The following DMD variants were observed in gnomAD, a reference collection of about 807,000 sequenced individuals.
DMD encodes dystrophin, also known as mutant dystrophin.
In DMD, 63 loss-of-function variants were observed where a neutral mutation model predicts 330.1. That is an observed-to-expected ratio of 0.19 (90% CI 0.16 to 0.24). The LOEUF (loss-of-function observed/expected upper bound fraction) is 0.24, where lower values mean the gene tolerates loss of function less well. Among genes scored for constraint, DMD ranks in the 10% least tolerant of loss-of-function variants. The pLI is 1.00. For missense variants in DMD, 3,344 were observed against 2,684.1 expected, an observed-to-expected ratio of 1.25 and a Z score of -5.43; for synonymous variants, 1,223 against 959.8, an observed-to-expected ratio of 1.27 and a Z score of -5.07.
intron 1 of DMD, among the ~76,000 whole-genome samples, chrX:33,235,215 T>C (rs2052454977): frequency 8.9e-6 from 1 of 111,829 alleles, no homozygotes; most frequent in Non-Finnish European, 1.9e-5. Flanking sequence ...ACAACGTTTT[T>C]TGTGAGCACG....
chrX:31,611,578 T>C (rs934735027), intron 55 of DMD, among the ~76,000 whole-genome samples: 6 of 111,883 alleles, frequency 5.4e-5, no homozygotes, highest in African/African-American at 9.7e-5. Context: ...AAATTGATCA[T>C]TTTAATCATT....
intron 11 of DMD, among the ~76,000 whole-genome samples, chrX:32,617,963 A>G (rs1271613448): frequency 8.9e-6 from 1 of 111,883 alleles, no homozygotes; most frequent in Non-Finnish European, 1.9e-5. Flanking sequence ...CACAGATATG[A>G]AAAAATGCTC....
intron 25 of DMD, among the ~76,000 whole-genome samples, chrX:32,455,467 G>C (rs2098353450): frequency 9.0e-6 from 1 of 111,276 alleles, no homozygotes; most frequent in South Asian, 3.6e-4. Flanking sequence ...ATTTTGGGCA[G>C]GGATGTGGGA....
intron 41 of DMD, among the ~76,000 whole-genome samples, chrX:32,323,304 C>T (rs1218932760): frequency 3.6e-5 from 4 of 110,764 alleles, no homozygotes; most frequent in Non-Finnish European, 5.7e-5. Context: ...ATGCTGAAAC[C>T]AGTGCCCCAC....
chrX:31,222,709 G>C (rs1290083744), intron 64 of DMD, among the ~76,000 whole-genome samples: 1 of 110,872 alleles, frequency 9.0e-6, no homozygotes, highest in Non-Finnish European at 1.9e-5. Context: ...AGTACATTTT[G>C]TAAAAAGAAA....
intron 44 of DMD, among the ~76,000 whole-genome samples, chrX:32,033,274 TA>T (rs1201539651): frequency 1.8e-5 from 2 of 111,234 alleles, no homozygotes; most frequent in South Asian, 3.8e-4. Context: ...ACATTTCAGT[TA>T]AGTAGGATGA....
At chrX:31,857,243 G>A (rs2093627228) in intron 48 of DMD, among the ~76,000 whole-genome samples, 1 of 108,049 alleles carries the variant, frequency 9.3e-6, no homozygotes, top group Non-Finnish European at 1.9e-5. Flanking sequence ...GCCGGGTGTG[G>A]TGGTGGGCAC....
chrX:32,581,225 T>A lies in DMD; in HGVS notation c.1603-7379A>T, dbSNP rs775492729. On this transcript the variant is annotated intron_variant, in intron 13 of 78. Coordinates refer to ENST00000357033, the MANE Select transcript of DMD (RefSeq NM_004006.3). Reference sequence around the variant, plus strand: ...ATCACAACTTTTCATCCACAAGAAATCACAAATTCTAACGTACATACCTAA... The same window carrying A: ...ATCACAACTTTTCATCCACAAGAAAACACAAATTCTAACGTACATACCTAA... Among the ~76,000 whole-genome samples the A allele has an allele frequency of 7.2e-3, 809 of 112,226 alleles. 9 individuals are homozygous for A. Among genetic ancestry groups the A allele is most frequent in the African/African-American group, 0.024 (756 of 30,914 alleles).
At chrX:32,245,733 G>A (rs2097233793) in intron 43 of DMD, among the ~76,000 whole-genome samples, 1 of 85,049 alleles carries the variant, frequency 1.2e-5, no homozygotes, top group Non-Finnish European at 2.2e-5. Context: ...AATTGTGAAT[G>A]GGAGTTCACT....
chrX:32,211,982 G>T (rs1288300604), intron 44 of DMD, among the ~76,000 whole-genome samples: 1 of 111,915 alleles, frequency 8.9e-6, no homozygotes, highest in Non-Finnish European at 1.9e-5. Context: ...AGCTTTAAAT[G>T]TTAGGGCATT....
intron 78 of DMD, among the ~76,000 whole-genome samples, chrX:31,124,841 A>AAAAT (rs1214477517): frequency 8.9e-6 from 1 of 111,945 alleles, no homozygotes; most frequent in Non-Finnish European, 1.9e-5. Context: ...CTATTTTTTA[A>AAAAT]AAATACAATT....
intron 49 of DMD, among the ~76,000 whole-genome samples, chrX:31,831,803 C>A (rs927939243): frequency 8.9e-6 from 1 of 111,826 alleles, no homozygotes; most frequent in Non-Finnish European, 1.9e-5. Context: ...GGGGTTTCAC[C>A]ATGTTAGCCA....
intron 2 of DMD, among the ~76,000 whole-genome samples, chrX:32,969,027 C>CCAAAAAAAAAAAAAAAAAAAA (rs2092280100): frequency 1.5e-4 from 3 of 19,813 alleles, no homozygotes; most frequent in African/African-American, 4.7e-4. Context: ...GATTCTGTCT[C>CCAAAAAAAAAAAAAAAAAAAA]AAAAAAAAAA....
At chrX:31,408,711 T>TTTTTG (rs201114840) in intron 60 of DMD, among the ~76,000 whole-genome samples, 35 of 109,314 alleles carry the variant, frequency 3.2e-4, no homozygotes, top group Admixed American at 1.1e-3. Flanking sequence ...TTTGAACTTT[T>TTTTTG]TTTTGTTTTG....
intron 7 of DMD, among the ~76,000 whole-genome samples, chrX:32,776,292 C>G (rs757208695): frequency 5.6e-5 from 6 of 107,787 alleles, no homozygotes; most frequent in Admixed American, 1.0e-4. Context: ...ACCCCCCCCC[C>G]AAATTGTTCC....
chrX:32,411,871 C>A lies in DMD; in HGVS notation c.4114G>T (p.Ala1372Ser). ...TGTAAGGATTTTTCAGTCTCCTGGGCAGACTGGATGCTCTGTTCAAGCAAC... is the reference window on the plus strand; with the variant it reads ...TGTAAGGATTTTTCAGTCTCCTGGGAAGACTGGATGCTCTGTTCAAGCAAC... ...QKLLEQSIQS[A>S]QETEKSLHLI... Residue 1372 changes from alanine (A) to serine (S), a missense_variant, in exon 30 of 79, where the codon GCC becomes TCC. By Grantham distance (99) the Ala-to-Ser change is moderately conservative. Coordinates refer to ENST00000357033, the MANE Select transcript of DMD (RefSeq NM_004006.3). 2.5e-6 allele frequency: 3 copies of A among 1,210,243 alleles called. No individual in the cohort carries two copies. Among genetic ancestry groups the A allele is most frequent in the East Asian group, 3.0e-5 (1 of 33,726 alleles).
intron 11 of DMD, among the ~76,000 whole-genome samples, chrX:32,635,594 G>T (rs899670924): frequency 8.9e-6 from 1 of 112,049 alleles, no homozygotes; most frequent in Non-Finnish European, 1.9e-5. Flanking sequence ...ATATAGAAAA[G>T]CAACATTCAT....
intron 43 of DMD, among the ~76,000 whole-genome samples, chrX:32,262,880 T>A (rs1257388209): frequency 8.9e-6 from 1 of 111,878 alleles, no homozygotes; most frequent in Non-Finnish European, 1.9e-5. Flanking sequence ...ATACTCTAAA[T>A]GGTCATCCCA....
At chrX:32,823,656 GT>G (rs1441081571) in intron 4 of DMD, among the ~76,000 whole-genome samples, 2 of 111,813 alleles carry the variant, frequency 1.8e-5, no homozygotes, top group African/African-American at 6.5e-5. Flanking sequence ...CAAATAAAAT[GT>G]CATAAAGTAT....
Sources: gnomAD v4.1 joint callset for allele counts (sites outside exome capture counted in the v4.1 genomes callset) on GRCh38, gnomAD v4.1.1 for gene constraint, MANE v1.5 for transcripts, NCBI Gene and HGNC (gene_info 2026-07-23, HGNC 2026-07-21) for gene names.